The following DOK2 variants were observed in gnomAD, a reference collection of about 807,000 sequenced individuals.
DOK2 encodes the protein docking protein 2, 56kD.
In DOK2, 28 loss-of-function variants were observed where a neutral mutation model predicts 26.0. That is an observed-to-expected ratio of 1.08 (90% CI 0.80 to 1.48). The LOEUF (loss-of-function observed/expected upper bound fraction) is 1.48. Among genes scored for constraint, DOK2 ranks in the 40% most tolerant of loss-of-function variants. The pLI is 0.00. For synonymous variants in DOK2, 282 were observed against 236.9 expected, an observed-to-expected ratio of 1.19 and a Z score of -1.75; for missense variants, 682 against 558.2, an observed-to-expected ratio of 1.22 and a Z score of -2.23.
chr8:21,909,040 C>T lies in DOK2; in HGVS notation c.*271G>A. On this transcript the variant is annotated 3_prime_UTR_variant, in exon 5 of 5. Transcript: ENST00000276420. ...TTGCTGACATCCTTTTGTCCTCTGCCCTAAATGCCCCAGGTTCCTCCTCAG... is the reference window on the plus strand; with the variant it reads ...TTGCTGACATCCTTTTGTCCTCTGCTCTAAATGCCCCAGGTTCCTCCTCAG... 2.8e-6 allele frequency: 1 copy of T among 361,358 alleles called. No homozygotes were observed. 22.4% of individuals were successfully genotyped at this position (361,358 alleles called of 1,614,324 possible).
chr8:21,912,559 C>CGGGAGCCAA, intron 1 of DOK2, 49 bp from the exon 2 acceptor site: 1 of 1,449,930 alleles, frequency 6.9e-7, no homozygotes. Flanking sequence ...CACCCAGAGA[C>CGGGAGCCAA]GGGGAGATCG....
At chr8:21,910,480 T>G (rs1426903937) in intron 4 of DOK2, among the ~76,000 whole-genome samples, 193 bp downstream of exon 4, 1 of 152,114 alleles carries the variant, frequency 6.6e-6, no homozygotes, top group Non-Finnish European at 1.5e-5. Flanking sequence ...CAGACGCTGT[T>G]TACCCCTCTA....
intron 2 of DOK2, 49 bp from the exon 3 acceptor site, chr8:21,912,037 C>G (rs763226058): frequency 9.5e-5 from 145 of 1,528,438 alleles, no homozygotes; most frequent in Admixed American, 2.7e-4. Flanking sequence ...CCCCAGGCCC[C>G]CCTCTGGCCC....
chr8:21,909,867 G>A lies in DOK2; in HGVS notation c.683C>T (p.Thr228Ile). Residue 228 changes from threonine (T) to isoleucine (I), a missense_variant, in exon 5 of 5, where the codon ACC (threonine) becomes ATC (isoleucine). Coordinates refer to ENST00000276420, the MANE Select transcript of DOK2 (RefSeq NM_003974.4). Reference protein sequence around the residue: ...VSGEGNFEFETRQGNEIFLAL... With the variant: ...VSGEGNFEFEIRQGNEIFLAL... ...CAAGAAGATCTCATTGCCTTGCCGG[G>A]TTTCGAACTCAAAGTTGCCCTCTCC... 1.2e-6 allele frequency: 2 copies of A among 1,613,870 alleles called. No homozygotes were observed. The highest frequency in any genetic ancestry group is 1.7e-6 in the Non-Finnish European group (2 of 1,180,034).
chr8:21,913,498 C>G, intron 1 of DOK2, 41 bp downstream of exon 1: 1 of 1,612,222 alleles, frequency 6.2e-7, no homozygotes, highest in South Asian at 1.1e-5. Flanking sequence ...CTAGCAGCCT[C>G]CCAGGCCCCC....
intron 3 of DOK2, among the ~76,000 whole-genome samples, chr8:21,911,243 C>A (rs922108237): frequency 6.6e-6 from 1 of 152,170 alleles, no homozygotes; most frequent in African/African-American, 2.4e-5. Context: ...CTCCCACTGC[C>A]GGGGCCCTGG....
chr8:21,911,332 C>A (rs1259728761), intron 3 of DOK2, among the ~76,000 whole-genome samples: 1 of 152,174 alleles, frequency 6.6e-6, no homozygotes, highest in Non-Finnish European at 1.5e-5. Context: ...TGGGGCCAGG[C>A]GCAGTGGCTC....
intron 3 of DOK2, 127 bp downstream of exon 3, chr8:21,911,774 G>A (rs1300750348): frequency 4.8e-6 from 5 of 1,042,582 alleles, no homozygotes; most frequent in Non-Finnish European, 6.7e-6. Flanking sequence ...TAACGGGGCT[G>A]GCCCAGGCTG....
chr8:21,911,531 C>T (rs1359370191), intron 3 of DOK2, among the ~76,000 whole-genome samples: 1 of 152,190 alleles, frequency 6.6e-6, no homozygotes, highest in East Asian at 1.9e-4. Context: ...TCGCTTGAAC[C>T]CGGGAAGCGG....
chr8:21,909,623 G>A lies in DOK2; in HGVS notation c.927C>T (p.Ser309=), dbSNP rs1809745752. Residue 309 remains serine, a synonymous_variant, in exon 5 of 5, where the codon TCC becomes TCT. Coordinates refer to ENST00000276420, the MANE Select transcript of DOK2 (RefSeq NM_003974.4). ...YAVPFDAVAR[S]LGKNFRGILA... is the part of the protein sequence containing the mutation. ...AGATGCCCCTGAAGTTCTTCCCCAA[G>A]GAACGGGCCACCGCATCGAAGGGCA... 1.2e-6 allele frequency: 2 copies of A among 1,613,596 alleles called. No homozygotes were observed. The highest frequency in any genetic ancestry group is 1.7e-6 in the Non-Finnish European group (2 of 1,180,048).
At chr8:21,913,196 C>T (rs1563300621) in intron 1 of DOK2, among the ~76,000 whole-genome samples, 1 of 152,194 alleles carries the variant, frequency 6.6e-6, no homozygotes, top group African/African-American at 2.4e-5. Context: ...CCTAAACTGT[C>T]CCTCCAGCTG....
chr8:21,909,511 C>G lies in DOK2; in HGVS notation c.1039G>C (p.Glu347Gln). The G allele has an allele frequency of 6.2e-7, 1 of 1,614,170 alleles. No homozygotes were observed. The highest frequency in any genetic ancestry group is 1.1e-5 in the South Asian group (1 of 91,088). ...GACAGGGCAGCCACTCCCTCGGGCT[C>G]ATCGTATATGTGGTCAGGTCGAGGG... Reference protein sequence around the residue: ...LPPRPDHIYDEPEGVAALSLY... With the variant: ...LPPRPDHIYDQPEGVAALSLY... The change falls in exon 5 of 5, where the codon GAG becomes CAG. Residue 347 changes from glutamate to glutamine, a missense_variant. Transcript: ENST00000276420.
chr8:21,912,752 A>C (rs979236912), intron 1 of DOK2, among the ~76,000 whole-genome samples: 1 of 152,164 alleles, frequency 6.6e-6, no homozygotes, highest in Non-Finnish European at 1.5e-5. Flanking sequence ...AAGAGCAGAG[A>C]CTGCCCAGGC....
chr8:21,913,576 C>T lies in DOK2; in HGVS notation c.26G>A (p.Gly9Asp). MGDGAVKQ[G>D]FLYLQQQQTF... The stretch of plus-strand genomic sequence containing the variant: ...CTGCTGCTGCTGAAGATACAAGAAG[C>T]CTTGTTTCACTGCCCCGTCTCCCAT... Residue 9 changes from glycine (G) to aspartate (D), a missense_variant, in exon 1 of 5, where the codon GGC becomes GAC. By Grantham distance (94) the Gly-to-Asp change is moderately conservative. Transcript: ENST00000276420. 1 of 1,614,070 alleles carries T rather than the reference C, an allele frequency of 6.2e-7. No homozygotes were observed. The highest frequency in any genetic ancestry group is 8.5e-7 in the Non-Finnish European group (1 of 1,180,010).
At chr8:21,912,641 G>A in intron 1 of DOK2, 131 bp from the exon 2 acceptor site, 2 of 874,026 alleles carry the variant, frequency 2.3e-6, no homozygotes, top group Non-Finnish European at 3.4e-6. Context: ...AGAGAGAGGT[G>A]AAGATCACAT....
chr8:21,913,394 C>G, intron 1 of DOK2, 145 bp downstream of exon 1: 1 of 905,186 alleles, frequency 1.1e-6, no homozygotes, highest in African/African-American at 1.7e-5. Context: ...GGAAAAGAGC[C>G]CTCCCAAAGT....
At position 21,909,817 on chromosome 8, in the gene DOK2, G is replaced by C; in HGVS notation, c.733C>G (p.Gln245Glu). Residue 245 changes from glutamine (Q) to glutamate (E), a missense_variant, in exon 5 of 5, where the codon CAG (glutamine) becomes GAG (glutamate). Coordinates refer to ENST00000276420, the MANE Select transcript of DOK2 (RefSeq NM_003974.4). ...GGTGTAGCGGGTGCAGCATTCTTCTGGGCAGAGATGGCCTCTTCCAGGGCC... is the reference window on the plus strand; with the variant it reads ...GGTGTAGCGGGTGCAGCATTCTTCTCGGCAGAGATGGCCTCTTCCAGGGCC... ...FLALEEAISAQKNAAPATPQP... is the reference protein window; with the variant it reads ...FLALEEAISAEKNAAPATPQP... 6.2e-7 allele frequency: 1 copy of C among 1,613,934 alleles called. No individual in the cohort carries two copies. Among genetic ancestry groups the C allele is most frequent in the African/African-American group, 1.3e-5 (1 of 75,036 alleles).
In DOK2 at chr8:21,912,228, CG is replaced by C. The variant is rs1337350813; in HGVS notation, c.345del (p.Gln117ArgfsTer37). 10 of 1,556,786 alleles carry C rather than the reference CG, an allele frequency of 6.4e-6. No individual in the cohort carries two copies. Among genetic ancestry groups the C allele is most frequent in the Non-Finnish European group, 8.7e-6 (10 of 1,154,440 alleles). ...WVQAICLLAF[P>X]GQRKELSGPE... is the part of the protein sequence containing the mutation. ...CCCTTTCCGCACCCCGCGCGACTCACGGGGAAGGCCAGGAGGCAGATGGCCT... is the reference window on the plus strand; with the variant it reads ...CCCTTTCCGCACCCCGCGCGACTCACGGGAAGGCCAGGAGGCAGATGGCCT... On this transcript the variant is annotated frameshift_variant and splice_region_variant, in exon 2 of 5. Transcript: ENST00000276420. LOFTEE classifies it high-confidence loss of function.
chr8:21,913,592 C>A lies in DOK2; in HGVS notation c.10G>T (p.Gly4Trp). The A allele has an allele frequency of 6.2e-7, 1 of 1,614,052 alleles. No homozygotes were observed. The highest frequency in any genetic ancestry group is 8.5e-7 in the Non-Finnish European group (1 of 1,180,020). MGD[G>W]AVKQGFLYLQ... ...TACAAGAAGCCTTGTTTCACTGCCCCGTCTCCCATCCTCTGACCATCTCGG... is the reference window on the plus strand; with the variant it reads ...TACAAGAAGCCTTGTTTCACTGCCCAGTCTCCCATCCTCTGACCATCTCGG... The change falls in exon 1 of 5, where the codon GGG becomes TGG. Residue 4 changes from glycine to tryptophan, a missense_variant. Coordinates refer to ENST00000276420, the MANE Select transcript of DOK2 (RefSeq NM_003974.4).
Sources: allele counts gnomAD v4.1 joint callset (sites outside exome capture counted in the v4.1 genomes callset), GRCh38; gene constraint gnomAD v4.1.1; transcripts MANE v1.5; gene names NCBI Gene and HGNC (gene_info 2026-07-23, HGNC 2026-07-21).